EFNA5: variants seen among roughly 807,000 people sequenced by gnomAD.
The protein encoded by EFNA5 is ephrin A5, also known as ephrin-A5.
A neutral mutation model predicts 22.9 loss-of-function variants in EFNA5; 5 were observed. That is an observed-to-expected ratio of 0.22 (90% CI 0.11 to 0.46). The LOEUF (loss-of-function observed/expected upper bound fraction) is 0.46. EFNA5 is among the 20% of genes least tolerant of loss of function. The pLI is 0.99. For synonymous variants in EFNA5, 113 were observed against 112.2 expected, an observed-to-expected ratio of 1.01 and a Z score of -0.04; for missense variants, 237 against 293.3, an observed-to-expected ratio of 0.81 and a Z score of 1.40.
chr5:107,608,181 C>T (rs1749760673), intron 1 of EFNA5, among the ~76,000 whole-genome samples: 1 of 152,156 alleles, frequency 6.6e-6, no homozygotes, highest in Non-Finnish European at 1.5e-5. Context: ...GAAGCAAAGG[C>T]TTCAAAAGCT....
chr5:107,427,940 A>G (rs1748848945), intron 1 of EFNA5, among the ~76,000 whole-genome samples: 1 of 152,194 alleles, frequency 6.6e-6, no homozygotes, highest in African/African-American at 2.4e-5. Context: ...AGGAAATTAA[A>G]GAACAAATAA....
chr5:107,591,951 A>T (rs10051597), intron 1 of EFNA5, among the ~76,000 whole-genome samples: 167 of 12,124 alleles, frequency 0.014, 9 homozygotes, highest in South Asian at 0.083. Flanking sequence ...TATTATATAT[A>T]ATATATAATA....
At chr5:107,508,736 A>G (rs543812526) in intron 1 of EFNA5, among the ~76,000 whole-genome samples, 123 of 152,368 alleles carry the variant, frequency 8.1e-4, no homozygotes, top group African/African-American at 2.9e-3. Context: ...CTAGTAATAC[A>G]AGTATAAGCA....
At chr5:107,570,349 A>G (rs1234127471) in intron 1 of EFNA5, among the ~76,000 whole-genome samples, 1 of 152,136 alleles carries the variant, frequency 6.6e-6, no homozygotes, top group Non-Finnish European at 1.5e-5. Context: ...GCCTCCGGAA[A>G]CCTCACTGTT....
chr5:107,592,258 T>A (rs1749385612), intron 1 of EFNA5, among the ~76,000 whole-genome samples: 1 of 150,590 alleles, frequency 6.6e-6, no homozygotes, highest in Admixed American at 6.7e-5. Context: ...TATTCAAGTA[T>A]ATTTTCAAAT....
intron 1 of EFNA5, among the ~76,000 whole-genome samples, chr5:107,591,983 A>ATT (rs1554068263): frequency 4.0e-5 from 1 of 24,946 alleles, no homozygotes; most frequent in Non-Finnish European, 6.6e-5. Context: ...TATAATATAT[A>ATT]ATATATAATA....
intron 1 of EFNA5, among the ~76,000 whole-genome samples, chr5:107,506,416 T>A (rs970826263): frequency 2.0e-5 from 3 of 152,200 alleles, no homozygotes; most frequent in Non-Finnish European, 4.4e-5. Flanking sequence ...TGTTTGATAA[T>A]GGCAAATAAG....
intron 1 of EFNA5, among the ~76,000 whole-genome samples, chr5:107,626,212 A>G (rs1750137958): frequency 6.6e-6 from 1 of 152,222 alleles, no homozygotes; most frequent in African/African-American, 2.4e-5. Context: ...CAGAACCACC[A>G]TTTGAAATTC....
At chr5:107,495,245 T>A (rs536248583) in intron 1 of EFNA5, among the ~76,000 whole-genome samples, 1 of 152,226 alleles carries the variant, frequency 6.6e-6, no homozygotes, top group Non-Finnish European at 1.5e-5. Flanking sequence ...GCTCCACTCC[T>A]GAAGTCAGCG....
At chr5:107,455,180 C>T (rs975266725) in intron 1 of EFNA5, among the ~76,000 whole-genome samples, 4 of 152,138 alleles carry the variant, frequency 2.6e-5, no homozygotes, top group Non-Finnish European at 5.9e-5. Flanking sequence ...GATGTGGTGT[C>T]ATGGCAGGCA....
At chr5:107,634,781 G>T (rs572202940) in intron 1 of EFNA5, among the ~76,000 whole-genome samples, 1 of 113,114 alleles carries the variant, frequency 8.8e-6, no homozygotes, top group African/African-American at 2.7e-5. Flanking sequence ...GATCTTCATG[G>T]AGATAATTTC....
At chr5:107,412,903 G>A (rs755613506) in intron 2 of EFNA5, among the ~76,000 whole-genome samples, 1 of 152,192 alleles carries the variant, frequency 6.6e-6, no homozygotes, top group Non-Finnish European at 1.5e-5. Flanking sequence ...GACCACCAGT[G>A]TATTTCAAAC....
At chr5:107,602,493 T>C (rs1343216799) in intron 1 of EFNA5, among the ~76,000 whole-genome samples, 1 of 152,084 alleles carries the variant, frequency 6.6e-6, no homozygotes, top group Non-Finnish European at 1.5e-5. Context: ...TGGCCAACAA[T>C]TAGGAAACCC....
intron 2 of EFNA5, among the ~76,000 whole-genome samples, chr5:107,404,422 C>T (rs1280328548): frequency 2.6e-5 from 4 of 152,162 alleles, no homozygotes; most frequent in African/African-American, 9.7e-5. Flanking sequence ...TCTTAATTGA[C>T]ATGGAGCTTG....
intron 1 of EFNA5, among the ~76,000 whole-genome samples, chr5:107,599,464 T>C (rs1749544827): frequency 6.6e-6 from 1 of 152,136 alleles, no homozygotes; most frequent in Non-Finnish European, 1.5e-5. Flanking sequence ...TAAAAGTGGC[T>C]TCATATATGG....
chr5:107,557,633 G>A (rs1020214694), intron 1 of EFNA5, among the ~76,000 whole-genome samples: 10 of 152,198 alleles, frequency 6.6e-5, no homozygotes, highest in African/African-American at 2.2e-4. Flanking sequence ...ATCTGTGTGT[G>A]TACTATAGTT....
chr5:107,465,304 C>T (rs1475458119), intron 1 of EFNA5, among the ~76,000 whole-genome samples: 7 of 152,076 alleles, frequency 4.6e-5, no homozygotes, highest in African/African-American at 7.2e-5. Context: ...TAATGGGTGA[C>T]GGTTACCTAA....
rs114991076 is a variant in EFNA5, at chr5:107,384,040, C to T, written c.566-2664G>A. 2.2e-3 allele frequency among the ~76,000 whole-genome samples: 336 copies of T among 152,276 alleles called. 3 individuals are homozygous for T. The highest frequency in any genetic ancestry group is 7.7e-3 in the African/African-American group (322 of 41,554). ...CTCATTCAGGATTCCACAAAGCATC[C>T]TTTGATTAAAACAGGTTCTCAATGT... On this transcript the variant is annotated intron_variant, in intron 4 of 4. Coordinates refer to ENST00000333274, the MANE Select transcript of EFNA5 (RefSeq NM_001962.3).
intron 2 of EFNA5, among the ~76,000 whole-genome samples, chr5:107,397,234 G>A (rs1306595650): frequency 6.6e-6 from 1 of 152,140 alleles, no homozygotes; most frequent in African/African-American, 2.4e-5. Context: ...CCTGTCGGCA[G>A]GGTGAGACCC....
Sources: gnomAD v4.1 joint callset for allele counts (sites outside exome capture counted in the v4.1 genomes callset) on GRCh38, gnomAD v4.1.1 for gene constraint, MANE v1.5 for transcripts, NCBI Gene and HGNC (gene_info 2026-07-23, HGNC 2026-07-21) for gene names.